The following ARHGAP42 variants were observed in gnomAD, a reference collection of about 807,000 sequenced individuals.
ARHGAP42 encodes the protein rho GTPase-activating protein 42.
Under a neutral mutation model 125.0 loss-of-function variants are expected in ARHGAP42, and 63 were observed. The ratio of observed to expected loss-of-function variants is 0.50; its 90% confidence interval spans 0.41 to 0.62. The LOEUF (loss-of-function observed/expected upper bound fraction) is 0.62, where lower values mean the gene tolerates loss of function less well. ARHGAP42 is among the 20% of genes least tolerant of loss of function. The pLI, the probability that ARHGAP42 is intolerant of heterozygous loss-of-function variation, is 0.00. For synonymous variants in ARHGAP42, 339 were observed against 351.0 expected (o/e 0.97, Z 0.38); for missense variants, 766 against 1,024.2 (o/e 0.75, Z 3.44).
In ARHGAP42 at chr11:100,961,767, A is replaced by G; in HGVS notation, c.1384A>G (p.Arg462Gly). 1 of 1,551,168 alleles carries G rather than the reference A, an allele frequency of 6.4e-7. No individual in the cohort carries two copies. The highest frequency in any genetic ancestry group is 8.7e-7 in the Non-Finnish European group (1 of 1,146,382). The change falls in exon 15 of 24, where the codon AGG becomes GGG. Residue 462 changes from arginine (R) to glycine (G), a missense_variant and splice_region_variant. Around this residue, in one of 3 missense-constraint regions of ARHGAP42, gnomAD observed 455 missense variants for 636.5 expected, o/e 0.71. Transcript: ENST00000298815. ...AACAAGTGGGCTGAAAAACTACCTC[A>G]GGTGAGGAGGGTTTAACTCCTGGTA... ...TITSGLKNYLRCLAEPLMTYK... is the reference protein window; with the variant it reads ...TITSGLKNYLGCLAEPLMTYK...
intron 3 of ARHGAP42, among the ~76,000 whole-genome samples, chr11:100,806,011 C>T (rs1174990326): frequency 6.6e-6 from 1 of 152,116 alleles, no homozygotes. Context: ...GGAAAGTAGC[C>T]CAGTTAAGTC....
chr11:100,905,003 G>T (rs1591284221), intron 4 of ARHGAP42, among the ~76,000 whole-genome samples: 10 of 152,168 alleles, frequency 6.6e-5, no homozygotes, highest in Admixed American at 6.5e-4. Flanking sequence ...GTTAATGAAT[G>T]AATTAATAAA....
chr11:100,833,102 AGG>A (rs1293659342), intron 3 of ARHGAP42, among the ~76,000 whole-genome samples: 1 of 152,210 alleles, frequency 6.6e-6, no homozygotes, highest in Admixed American at 6.5e-5. Context: ...TTTTTACCAA[AGG>A]TCATTTTGAC....
intron 20 of ARHGAP42, 59 bp from the exon 21 acceptor site, chr11:100,976,756 G>C: frequency 6.5e-7 from 1 of 1,532,414 alleles, no homozygotes; most frequent in South Asian, 1.2e-5. Flanking sequence ...ACATGTACGT[G>C]TTATTGCTAT....
At chr11:100,790,867 T>C (rs1355981053) in intron 2 of ARHGAP42, among the ~76,000 whole-genome samples, 1 of 152,186 alleles carries the variant, frequency 6.6e-6, no homozygotes, top group Non-Finnish European at 1.5e-5. Context: ...CAAAACCAGA[T>C]AATAAAGTAG....
At chr11:100,940,903 G>A (rs536907567) in intron 8 of ARHGAP42, among the ~76,000 whole-genome samples, 15 of 152,082 alleles carry the variant, frequency 9.9e-5, no homozygotes, top group Non-Finnish European at 2.1e-4. Context: ...AAATCTTGTG[G>A]CAGAGACACA....
chr11:100,884,102 G>C (rs1359289224), intron 4 of ARHGAP42, among the ~76,000 whole-genome samples: 1 of 152,092 alleles, frequency 6.6e-6, no homozygotes, highest in East Asian at 1.9e-4. Flanking sequence ...TGTACTATGT[G>C]ATTATGGCAA....
At chr11:100,911,017 T>C (rs657945) in intron 4 of ARHGAP42, among the ~76,000 whole-genome samples, 121,055 of 152,114 alleles carry the variant, frequency 0.8, 48,627 homozygotes, top group East Asian at 1. Context: ...ATACAAGTGT[T>C]GTCACCACAG....
chr11:100,768,941 T>C (rs763451219), intron 1 of ARHGAP42, among the ~76,000 whole-genome samples: 1 of 152,200 alleles, frequency 6.6e-6, no homozygotes, highest in African/African-American at 2.4e-5. Context: ...TGTTTTGTCA[T>C]TGTACAAACA....
At chr11:100,852,172 A>T (rs1211565553) in intron 3 of ARHGAP42, among the ~76,000 whole-genome samples, 1 of 152,040 alleles carries the variant, frequency 6.6e-6, no homozygotes, top group Non-Finnish European at 1.5e-5. Flanking sequence ...CTCCCCCATT[A>T]ATGCACAACT....
At chr11:100,792,440 G>C (rs982177403) in intron 2 of ARHGAP42, among the ~76,000 whole-genome samples, 1 of 152,114 alleles carries the variant, frequency 6.6e-6, no homozygotes, top group Non-Finnish European at 1.5e-5. Context: ...AGACTATGTT[G>C]AACTTTTAGT....
In ARHGAP42 at chr11:100,812,458, G is replaced by T. The variant is rs568819994; in HGVS notation, c.312+17292G>T. On this transcript the variant is annotated intron_variant, in intron 3 of 23. Transcript: ENST00000298815. Reference sequence around the variant, plus strand: ...AGTTGGCAGAAACAGACATAACAAAGAAGAAAGTCAAAATGTATTATCAGA... The same window carrying T: ...AGTTGGCAGAAACAGACATAACAAATAAGAAAGTCAAAATGTATTATCAGA... Among the ~76,000 whole-genome samples, 457 of 152,240 alleles carry T rather than the reference G, an allele frequency of 3.0e-3. 2 individuals are homozygous for T. Among genetic ancestry groups the T allele is most frequent in the Admixed American group, 5.0e-3 (76 of 15,290 alleles).
rs1867266734 is a variant in ARHGAP42, at chr11:100,921,496, A to G, written c.489A>G (p.Ala163=). ...AKKKESHLQE[A]DTQIDREHQN... ...CACCCTCTGGTTTTTCTCTTTAGGC[A>G]GATACACAAATTGACCGAGAACATC... Residue 163 remains alanine (A), a splice_region_variant and synonymous_variant, in exon 6 of 24, where the codon GCA becomes GCG. Coordinates refer to ENST00000298815, the MANE Select transcript of ARHGAP42 (RefSeq NM_152432.4). 6.5e-7 allele frequency: 1 copy of G among 1,542,448 alleles called. No homozygotes were observed. The highest frequency in any genetic ancestry group is 8.8e-7 in the Non-Finnish European group (1 of 1,141,776).
chr11:100,934,725 GTGTA>G (rs979617475), intron 7 of ARHGAP42, among the ~76,000 whole-genome samples: 2 of 152,170 alleles, frequency 1.3e-5, no homozygotes, highest in African/African-American at 4.8e-5. Context: ...TTTCTACAAA[GTGTA>G]TGTTTTTCTG....
intron 3 of ARHGAP42, among the ~76,000 whole-genome samples, chr11:100,847,750 A>C (rs570366284): frequency 6.6e-6 from 1 of 152,162 alleles, no homozygotes; most frequent in Non-Finnish European, 1.5e-5. Flanking sequence ...ATATAGTGCC[A>C]TTCACTGAGA....
intron 1 of ARHGAP42, among the ~76,000 whole-genome samples, chr11:100,693,428 A>T (rs777532150): frequency 1.3e-5 from 2 of 152,166 alleles, no homozygotes; most frequent in Non-Finnish European, 2.9e-5. Flanking sequence ...GTTTCCAGAG[A>T]CCTGTTGCAA....
In ARHGAP42 at chr11:100,687,633, C is replaced by A; in HGVS notation, c.-46C>A. 6.0e-6 allele frequency: 8 copies of A among 1,322,398 alleles called. No homozygotes were observed. Among genetic ancestry groups the A allele is most frequent in the Non-Finnish European group, 7.8e-6 (8 of 1,025,358 alleles). 81.9% of individuals were successfully genotyped at this position (1,322,398 alleles called of 1,614,324 possible). On this transcript the variant is annotated 5_prime_UTR_variant, in exon 1 of 24. Coordinates refer to ENST00000298815, the MANE Select transcript of ARHGAP42 (RefSeq NM_152432.4). ...GGCCGCCGGCTGCCCCCGCCCTGAC[C>A]TCCGGCCCGGACGTGTCCGCGGCCG...
At chr11:100,907,745 G>A (rs1866780779) in intron 4 of ARHGAP42, among the ~76,000 whole-genome samples, 1 of 152,156 alleles carries the variant, frequency 6.6e-6, no homozygotes, top group African/African-American at 2.4e-5. Context: ...GCCACTCTAG[G>A]CAAGGAGTAC....
intron 3 of ARHGAP42, among the ~76,000 whole-genome samples, chr11:100,839,246 G>A (rs1864887577): frequency 1.3e-5 from 2 of 152,230 alleles, no homozygotes; most frequent in South Asian, 4.1e-4. Flanking sequence ...TCCTAAATCT[G>A]TCTCATGAAG....
Sources: gnomAD v4.1 joint callset for allele counts (sites outside exome capture counted in the v4.1 genomes callset) on GRCh38, gnomAD v4.1.1 for gene constraint, gnomAD v4.1.1 regional missense constraint, MANE v1.5 for transcripts, NCBI Gene and HGNC (gene_info 2026-07-23, HGNC 2026-07-21) for gene names.